MOB1B: variants seen among roughly 807,000 people sequenced by gnomAD.
MOB1B encodes the protein MOB kinase activator 1B.
In MOB1B, 19 loss-of-function variants were observed where a neutral mutation model predicts 24.4. That is an observed-to-expected ratio of 0.78 (90% CI 0.54 to 1.14). The LOEUF is 1.14. MOB1B is among the 50% of genes most tolerant of loss of function. The probability of loss-of-function intolerance (pLI) is 0.00; values close to 1 mark genes in which losing one functional copy is unlikely to be tolerated. For synonymous variants in MOB1B, 76 were observed against 82.1 expected (o/e 0.93, Z 0.40); for missense variants, 243 against 259.6 (o/e 0.94, Z 0.44).
chr4:70,979,123 T>C lies in MOB1B; in HGVS notation c.410-5T>C, dbSNP rs771708305. 6.2e-7 allele frequency: 1 copy of C among 1,612,474 alleles called. No homozygotes were observed. The highest frequency in any genetic ancestry group is 8.5e-7 in the Non-Finnish European group (1 of 1,179,056). On this transcript the variant is annotated splice_polypyrimidine_tract_variant and splice_region_variant and intron_variant, in intron 4 of 5. Coordinates refer to ENST00000309395, the MANE Select transcript of MOB1B (RefSeq NM_173468.4). ...ACTAGAGGGAGTTGTTTATCTCTTT[T>C]CTAGGTGTCCCGTTCCCAAAGAATT...
At chr4:70,963,199 C>CT (rs1433802924) in intron 2 of MOB1B, among the ~76,000 whole-genome samples, 2 of 151,944 alleles carry the variant, frequency 1.3e-5, no homozygotes, top group Middle Eastern at 3.2e-3. Context: ...GACCCTGTCT[C>CT]TAAGAAAAGA....
chr4:70,924,997 T>G lies in MOB1B; in HGVS notation c.14+22447T>G, dbSNP rs565044999. Among the ~76,000 whole-genome samples, 4 of 152,170 alleles carry G rather than the reference T, an allele frequency of 2.6e-5. No individual in the cohort carries two copies. In the South Asian group the frequency reaches 8.3e-4, roughly 31 times the overall value. ...ACTACAATTTTAAACAGCTAGACAT[T>G]TGGGAACCAAAATTTGCTTTAGTTG... is the stretch of plus-strand genomic sequence containing the variant. On this transcript the variant is annotated intron_variant, in intron 1 of 5. Coordinates refer to ENST00000309395, the MANE Select transcript of MOB1B (RefSeq NM_173468.4).
intron 1 of MOB1B, among the ~76,000 whole-genome samples, chr4:70,927,643 G>C (rs1036621682): frequency 6.6e-6 from 1 of 152,166 alleles, no homozygotes; most frequent in Non-Finnish European, 1.5e-5. Context: ...CCGGTTTTTA[G>C]TCAGATGCTG....
At position 70,979,278 on chromosome 4, in the gene MOB1B, T is replaced by G; in HGVS notation, c.560T>G (p.Ile187Ser). The part of the protein sequence containing the change: ...AHLNTSFKHF[I>S]FFVQEFNLID... ...CTAAATACATCTTTCAAGCACTTTA[T>G]TTTTTTTGTCCAGGTAAGTTGGATT... Residue 187 changes from isoleucine to serine, a missense_variant, in exon 5 of 6, where the codon ATT becomes AGT. Coordinates refer to ENST00000309395, the MANE Select transcript of MOB1B (RefSeq NM_173468.4). The G allele has an allele frequency of 6.2e-7, 1 of 1,607,562 alleles. No individual in the cohort carries two copies. Among genetic ancestry groups the G allele is most frequent in the Non-Finnish European group, 8.5e-7 (1 of 1,176,066 alleles).
rs1015730302 is a variant in MOB1B at position 70,986,103 on chromosome 4, A to C, written c.*4046A>C. 1.3e-5 allele frequency: 2 copies of C among 152,202 alleles called. No individual in the cohort carries two copies. Among genetic ancestry groups the C allele is most frequent in the African/African-American group, 4.8e-5 (2 of 41,452 alleles). The allele number at this position is 152,202 out of a possible 1,614,324, so 9.4% of individuals were successfully genotyped here. On this transcript the variant is annotated 3_prime_UTR_variant, in exon 6 of 6. Transcript: ENST00000309395. ...TTAGATATACTAATGGAAAAAAACC[A>C]AGTCCTTTCTCTAGAACTTGTTTTC...
chr4:70,930,465 A>C (rs954926968), intron 1 of MOB1B, among the ~76,000 whole-genome samples: 1 of 152,214 alleles, frequency 6.6e-6, no homozygotes, highest in African/African-American at 2.4e-5. Flanking sequence ...CTCTTTCCCC[A>C]AAGTATGAGT....
At chr4:70,915,139 A>G (rs370387262) in intron 1 of MOB1B, among the ~76,000 whole-genome samples, 1 of 152,248 alleles carries the variant, frequency 6.6e-6, no homozygotes, top group South Asian at 2.1e-4. Flanking sequence ...ACTTAGGATT[A>G]TTTAAATTGT....
chr4:70,965,020 C>A (rs564313266), intron 2 of MOB1B, among the ~76,000 whole-genome samples: 1 of 150,736 alleles, frequency 6.6e-6, no homozygotes, highest in Admixed American at 6.6e-5. Flanking sequence ...GAATTGGGCT[C>A]GGCGTGGTAG....
chr4:70,969,856 C>A, intron 2 of MOB1B, 75 bp from the exon 3 acceptor site: 2 of 785,846 alleles, frequency 2.5e-6, no homozygotes, highest in Admixed American at 2.2e-5. Flanking sequence ...TAAGCCTATT[C>A]TGTTCAAGTA....
intron 1 of MOB1B, among the ~76,000 whole-genome samples, chr4:70,958,238 C>A (rs1738150737): frequency 6.6e-6 from 1 of 151,098 alleles, no homozygotes. Context: ...AATCTTGGGT[C>A]ACCACAACCT....
At chr4:70,972,828 C>A (rs1343262838) in intron 3 of MOB1B, among the ~76,000 whole-genome samples, 1 of 152,146 alleles carries the variant, frequency 6.6e-6, no homozygotes, top group Non-Finnish European at 1.5e-5. Context: ...GGCCGGAGTG[C>A]AGTGGCGCGA....
chr4:70,978,221 C>T (rs1040542618), intron 4 of MOB1B, among the ~76,000 whole-genome samples: 1 of 152,198 alleles, frequency 6.6e-6, no homozygotes, highest in Non-Finnish European at 1.5e-5. Context: ...CTTAGCATAA[C>T]ATCCTCCAGG....
intron 1 of MOB1B, among the ~76,000 whole-genome samples, chr4:70,905,893 C>A (rs1467536861): frequency 1.3e-5 from 2 of 151,408 alleles, no homozygotes; most frequent in South Asian, 2.1e-4. Context: ...GCGAAACTCT[C>A]TTTCTACCCC....
chr4:70,941,532 G>A (rs1220066707), intron 1 of MOB1B, among the ~76,000 whole-genome samples: 16 of 151,842 alleles, frequency 1.1e-4, no homozygotes, highest in Admixed American at 5.9e-4. Context: ...TGGTAGAGAC[G>A]GGGTTTCACT....
chr4:70,977,304 G>T (rs953273369), intron 4 of MOB1B, among the ~76,000 whole-genome samples: 6 of 152,094 alleles, frequency 3.9e-5, no homozygotes, highest in African/African-American at 7.2e-5. Flanking sequence ...TTGTTGAGGA[G>T]TGCATATTAT....
intron 1 of MOB1B, among the ~76,000 whole-genome samples, chr4:70,952,503 C>T (rs932858244): frequency 3.3e-5 from 5 of 151,410 alleles, no homozygotes; most frequent in Non-Finnish European, 5.9e-5. Context: ...ATTAGGTGAC[C>T]GTGGTGGCGG....
intron 1 of MOB1B, 113 bp downstream of exon 1, chr4:70,902,663 C>T (rs1344277522): frequency 9.8e-7 from 1 of 1,019,998 alleles, no homozygotes. Flanking sequence ...CCAGCGCTCC[C>T]GGGGCCCGGC....
chr4:70,929,885 G>A (rs913093674), intron 1 of MOB1B, among the ~76,000 whole-genome samples: 10 of 151,870 alleles, frequency 6.6e-5, no homozygotes, highest in African/African-American at 1.9e-4. Flanking sequence ...CGCCCGCCTC[G>A]GCCTCCCTTA....
At chr4:70,931,607 A>G (rs1736892375) in intron 1 of MOB1B, among the ~76,000 whole-genome samples, 1 of 152,130 alleles carries the variant, frequency 6.6e-6, no homozygotes, top group African/African-American at 2.4e-5. Flanking sequence ...TTTAGATGAA[A>G]TATTTGCTTT....
Sources: gnomAD v4.1 joint callset for allele counts (sites outside exome capture counted in the v4.1 genomes callset) on GRCh38, gnomAD v4.1.1 for gene constraint, MANE v1.5 for transcripts, NCBI Gene and HGNC (gene_info 2026-07-23, HGNC 2026-07-21) for gene names.